BNC2: variants seen among roughly 807,000 people sequenced by gnomAD.
BNC2 encodes basonuclin zinc finger protein 2.
Under a neutral mutation model 76.3 loss-of-function variants are expected in BNC2, and 20 were observed. That is an observed-to-expected ratio of 0.26 (90% confidence interval 0.18 to 0.38). The LOEUF (loss-of-function observed/expected upper bound fraction) is 0.38. Ranked by LOEUF, BNC2 falls within the 10% of genes least tolerant of loss-of-function variation. The pLI, the probability that BNC2 is intolerant of heterozygous loss-of-function variation, is 1.00. For synonymous variants in BNC2, 582 were observed against 514.8 expected (o/e 1.13, Z -1.77); for missense variants, 1,382 against 1,399.8 (o/e 0.99, Z 0.20).
At chr9:16,697,430 T>C (rs1214092876) in intron 3 of BNC2, among the ~76,000 whole-genome samples, 1 of 151,758 alleles carries the variant, frequency 6.6e-6, no homozygotes, top group Non-Finnish European at 1.5e-5. Context: ...AAATCTAAAG[T>C]ATACGATGTG....
intron 1 of BNC2, among the ~76,000 whole-genome samples, chr9:16,805,996 T>C (rs1197921405): frequency 6.6e-6 from 1 of 152,124 alleles, no homozygotes; most frequent in African/African-American, 2.4e-5. Context: ...GCTTCCCCAA[T>C]GAAGCAGAGA....
At chr9:16,452,768 T>A (rs1336321522) in intron 5 of BNC2, among the ~76,000 whole-genome samples, 1 of 152,164 alleles carries the variant, frequency 6.6e-6, no homozygotes, top group African/African-American at 2.4e-5. Flanking sequence ...TCTTATCTTC[T>A]GCAAATAACT....
chr9:16,445,950 A>T (rs190759439), intron 5 of BNC2, among the ~76,000 whole-genome samples: 202 of 152,328 alleles, frequency 1.3e-3, no homozygotes, highest in African/African-American at 4.8e-3. Flanking sequence ...ATGCTACAGG[A>T]ATATCCACCA....
chr9:16,410,178 A>G lies in BNC2; in HGVS notation c.*8811T>C, dbSNP rs1820431222. Reference sequence around the variant, plus strand: ...CATCACCAGCAGGAGAGAACAGAGAACTGGCTTTCCCAGATCCCCAACCAG... The same window carrying G: ...CATCACCAGCAGGAGAGAACAGAGAGCTGGCTTTCCCAGATCCCCAACCAG... On this transcript the variant is annotated 3_prime_UTR_variant, in exon 7 of 7. Transcript: ENST00000380672. The G allele has an allele frequency of 6.6e-6, 1 of 152,224 alleles. No homozygotes were observed. The highest frequency in any genetic ancestry group is 6.5e-5 in the Admixed American group (1 of 15,282). The allele number at this position is 152,224 out of a possible 1,614,324, so 9.4% of individuals were successfully genotyped here.
At chr9:16,437,626 A>G (rs1261712805) in intron 5 of BNC2, 102 bp from the exon 6 acceptor site, 1 of 1,374,842 alleles carries the variant, frequency 7.3e-7, no homozygotes, top group Non-Finnish European at 1.0e-6. Flanking sequence ...CTCATAAAAC[A>G]CTGAGCAAGA....
intron 3 of BNC2, among the ~76,000 whole-genome samples, chr9:16,648,827 T>C (rs1409247096): frequency 1.3e-5 from 2 of 152,188 alleles, no homozygotes; most frequent in East Asian, 3.9e-4. Context: ...TTGCAATTCA[T>C]TAGGAATAGT....
chr9:16,870,299 C>A (rs961982530), intron 1 of BNC2, among the ~76,000 whole-genome samples: 2 of 152,164 alleles, frequency 1.3e-5, no homozygotes, highest in South Asian at 2.1e-4. Flanking sequence ...CTCGTCCCCC[C>A]AGCCCGTCCC....
At chr9:16,852,843 G>T (rs373434305) in intron 1 of BNC2, among the ~76,000 whole-genome samples, 1 of 152,120 alleles carries the variant, frequency 6.6e-6, no homozygotes, top group Non-Finnish European at 1.5e-5. Flanking sequence ...CCCATGCAAA[G>T]GGCTGAGGTA....
rs1398201035 is a variant in BNC2 at position 16,687,544 on chromosome 9, A to G, written c.330+40253T>C. On this transcript the variant is annotated intron_variant, in intron 3 of 6. Transcript: ENST00000380672. ...GCAACAGTAATTCTCCCCAGGGAGC[A>G]ATAGAAGGGAAAAGAAAAAAATTAA... Among the ~76,000 whole-genome samples, 5 of 152,256 alleles carry G rather than the reference A, an allele frequency of 3.3e-5. No homozygotes were observed. In the East Asian group the frequency reaches 9.7e-4, roughly 29 times the overall value.
Position 16,418,861 on chromosome 9 carries a change from G to T in BNC2, c.*128C>A, listed in dbSNP as rs1820645439. On this transcript the variant is annotated 3_prime_UTR_variant, in exon 7 of 7. Coordinates refer to ENST00000380672, the MANE Select transcript of BNC2 (RefSeq NM_017637.6). ...ACGTGTGTGTATATGTAGCCACAGA[G>T]CATACATAAATGCACACACACACAC... The T allele has an allele frequency of 2.4e-6, 2 of 835,958 alleles. No individual in the cohort carries two copies. The highest frequency in any genetic ancestry group is 3.6e-5 in the East Asian group (1 of 27,548). The allele number at this position is 835,958 out of a possible 1,614,324, so 51.8% of individuals were successfully genotyped here.
intron 3 of BNC2, among the ~76,000 whole-genome samples, chr9:16,708,277 A>G (rs1823736217): frequency 6.6e-6 from 1 of 152,234 alleles, no homozygotes. Context: ...GCATTTAGAA[A>G]TAAGAGTTTT....
intron 5 of BNC2, among the ~76,000 whole-genome samples, chr9:16,551,888 A>G (rs1818673788): frequency 6.6e-6 from 1 of 152,210 alleles, no homozygotes. Context: ...CCAGGTCAGA[A>G]GTGCCATTGA....
At chr9:16,499,249 A>G (rs66580280) in intron 5 of BNC2, among the ~76,000 whole-genome samples, 19,478 of 152,176 alleles carry the variant, frequency 0.13, 1,519 homozygotes, top group East Asian at 0.28. Flanking sequence ...AACAAATGAG[A>G]AAACTGAGGC....
chr9:16,713,608 T>G (rs1338632830), intron 3 of BNC2, among the ~76,000 whole-genome samples: 1 of 152,136 alleles, frequency 6.6e-6, no homozygotes, highest in South Asian at 2.1e-4. Flanking sequence ...TTGGTGCCAC[T>G]GTCATGCCTA....
intron 3 of BNC2, among the ~76,000 whole-genome samples, chr9:16,679,355 G>A (rs1822755118): frequency 6.6e-6 from 1 of 152,170 alleles, no homozygotes; most frequent in South Asian, 2.1e-4. Flanking sequence ...GTAACTCTGT[G>A]AAATGGTTCA....
intron 5 of BNC2, among the ~76,000 whole-genome samples, chr9:16,489,020 A>G (rs1398650834): frequency 6.6e-6 from 1 of 152,192 alleles, no homozygotes; most frequent in African/African-American, 2.4e-5. Flanking sequence ...TTAAAATATG[A>G]ACTTTCTAAG....
intron 5 of BNC2, among the ~76,000 whole-genome samples, chr9:16,543,974 G>A (rs1167848735): frequency 2.0e-5 from 3 of 152,180 alleles, no homozygotes; most frequent in Admixed American, 6.5e-5. Context: ...GGGGGATCCT[G>A]ACCAATCATA....
chr9:16,583,146 C>A (rs528039606), intron 3 of BNC2, 61 bp from the exon 4 acceptor site: 7 of 1,341,758 alleles, frequency 5.2e-6, no homozygotes, highest in Admixed American at 5.0e-5. Context: ...ACTCTTTTCA[C>A]CATTTCAATA....
chr9:16,713,137 C>T (rs1160833914), intron 3 of BNC2, among the ~76,000 whole-genome samples: 2 of 152,162 alleles, frequency 1.3e-5, no homozygotes, highest in Non-Finnish European at 2.9e-5. Context: ...TACAGTTTTA[C>T]ATGTTCCTTT....
Sources: allele counts gnomAD v4.1 joint callset (sites outside exome capture counted in the v4.1 genomes callset), GRCh38; gene constraint gnomAD v4.1.1; transcripts MANE v1.5; gene names NCBI Gene and HGNC (gene_info 2026-07-23, HGNC 2026-07-21).